The following IFT81 variants were observed in gnomAD, a reference collection of about 807,000 sequenced individuals.
IFT81 encodes intraflagellar transport protein 81 homolog.
In IFT81, 72 loss-of-function variants were observed where a neutral mutation model predicts 102.6. The ratio of observed to expected loss-of-function variants is 0.70; its 90% CI spans 0.58 to 0.85. IFT81 has a LOEUF of 0.85. Ranked by LOEUF, IFT81 falls within the 40% of genes least tolerant of loss-of-function variation. IFT81 has a pLI of 0.00. For missense variants in IFT81, 723 were observed against 787.3 expected, an observed-to-expected ratio of 0.92 and a Z score of 0.98; for synonymous variants, 237 against 242.7, an observed-to-expected ratio of 0.98 and a Z score of 0.22.
chr12:110,146,929 T>A, intron 9 of IFT81, 24 bp from the exon 10 acceptor site: 2 of 1,583,808 alleles, frequency 1.3e-6, no homozygotes, highest in Non-Finnish European at 1.7e-6. Context: ...TTAACTTTTT[T>A]TTTTTGCTTT....
intron 9 of IFT81, among the ~76,000 whole-genome samples, chr12:110,143,995 A>G (rs1312723342): frequency 6.7e-6 from 1 of 148,280 alleles, no homozygotes; most frequent in South Asian, 2.1e-4. Context: ...GAAAGCTGGT[A>G]TCAGGTTATA....
intron 11 of IFT81, among the ~76,000 whole-genome samples, chr12:110,174,349 G>A (rs1463064047): frequency 6.7e-6 from 1 of 149,552 alleles, no homozygotes; most frequent in Non-Finnish European, 1.5e-5. Flanking sequence ...CAGCTACTTA[G>A]GAGGCTGAGG....
rs887180277 is a variant in IFT81 at position 110,201,579 on chromosome 12, T to C, written c.1558-2285T>C. Among the ~76,000 whole-genome samples, 3 of 151,960 alleles carry C rather than the reference T, an allele frequency of 2.0e-5. No individual in the cohort carries two copies. In the East Asian group the frequency reaches 5.8e-4, roughly 29 times the overall value. The stretch of plus-strand genomic sequence containing the variant: ...AGGAGTAGCTGGGACCACAGGCACA[T>C]ACCACCAAGTCTGGCTAATTTTTAT... On this transcript the variant is annotated intron_variant, in intron 14 of 18. Transcript: ENST00000242591.
chr12:110,199,591 C>A (rs1174644438), intron 14 of IFT81, among the ~76,000 whole-genome samples: 1 of 152,172 alleles, frequency 6.6e-6, no homozygotes, highest in African/African-American at 2.4e-5. Context: ...TCTCAAGAGA[C>A]CAGCAGCTAC....
chr12:110,162,309 T>C (rs1896176328), intron 10 of IFT81: 2 of 151,400 alleles, frequency 1.3e-5, no homozygotes, highest in Non-Finnish European at 2.9e-5. Flanking sequence ...TGAGTGTTAT[T>C]TGAGAAGACT....
chr12:110,157,642 G>A (rs1035458807), intron 10 of IFT81, among the ~76,000 whole-genome samples: 1 of 151,850 alleles, frequency 6.6e-6, no homozygotes, highest in Non-Finnish European at 1.5e-5. Context: ...TTCCTTCTGG[G>A]ACTCCCACAG....
intron 17 of IFT81, among the ~76,000 whole-genome samples, chr12:110,206,559 C>T (rs544937219): frequency 3.4e-4 from 51 of 151,994 alleles, no homozygotes; most frequent in Admixed American, 1.6e-3. Flanking sequence ...CCCGTAGTCC[C>T]AGCTACTTAG....
intron 8 of IFT81, among the ~76,000 whole-genome samples, chr12:110,142,004 A>G (rs1201039244): frequency 1.3e-5 from 2 of 152,234 alleles, no homozygotes; most frequent in Non-Finnish European, 2.9e-5. Flanking sequence ...TTCACTGAAA[A>G]TCTGTGTGTA....
At chr12:110,208,153 A>G (rs917869909) in intron 17 of IFT81, among the ~76,000 whole-genome samples, 5 of 152,192 alleles carry the variant, frequency 3.3e-5, no homozygotes, top group African/African-American at 1.2e-4. Flanking sequence ...ATGCATGGGA[A>G]ATGTTATATG....
At chr12:110,128,251 T>C in intron 3 of IFT81, 102 bp downstream of exon 3, 1 of 706,028 alleles carries the variant, frequency 1.4e-6, no homozygotes, top group Non-Finnish European at 2.5e-6. Context: ...GTTTCCCTCA[T>C]TTGATGGCCT....
chr12:110,158,356 C>T (rs1055891965), intron 10 of IFT81, among the ~76,000 whole-genome samples: 5 of 152,144 alleles, frequency 3.3e-5, no homozygotes, highest in South Asian at 2.1e-4. Flanking sequence ...GGTAGGATTA[C>T]AGGCATGAGC....
chr12:110,217,040 C>T (rs1870229345), intron 18 of IFT81, among the ~76,000 whole-genome samples: 1 of 151,972 alleles, frequency 6.6e-6, no homozygotes, highest in Non-Finnish European at 1.5e-5. Flanking sequence ...TCATGTATAT[C>T]CTCCTAGCTG....
intron 17 of IFT81, among the ~76,000 whole-genome samples, chr12:110,208,826 C>T (rs1869028381): frequency 6.6e-6 from 1 of 152,064 alleles, no homozygotes; most frequent in Non-Finnish European, 1.5e-5. Context: ...AAATGTATAT[C>T]CTTTCTCCTT....
At chr12:110,213,953 G>A (rs1241557294) in intron 18 of IFT81, among the ~76,000 whole-genome samples, 3 of 151,984 alleles carry the variant, frequency 2.0e-5, no homozygotes, top group Non-Finnish European at 4.4e-5. Flanking sequence ...TACATTTTCT[G>A]TCTCAAACCT....
intron 17 of IFT81, among the ~76,000 whole-genome samples, chr12:110,208,167 G>T (rs1868928080): frequency 6.6e-6 from 1 of 152,236 alleles, no homozygotes; most frequent in Middle Eastern, 3.4e-3. Flanking sequence ...TTATATGTAT[G>T]TGTGTATACA....
At chr12:110,162,331 C>CTTTTTTTTTTTTTTT (rs1160267123) in intron 10 of IFT81, 1 of 100,078 alleles carries the variant, frequency 1.0e-5, no homozygotes, top group African/African-American at 4.3e-5. Flanking sequence ...TAATATTTTT[C>CTTTTTTTTTTTTTTT]TTTTTTTTTT....
At position 110,163,036 on chromosome 12, in the gene IFT81, G is replaced by C. The variant is rs1896226423; in HGVS notation, c.1159G>C (p.Asp387His). 2 of 1,613,904 alleles carry C rather than the reference G, an allele frequency of 1.2e-6. No individual in the cohort carries two copies. Among genetic ancestry groups the C allele is most frequent in the Non-Finnish European group, 1.7e-6 (2 of 1,179,964 alleles). Residue 387 changes from aspartate to histidine, a missense_variant, in exon 11 of 19, where the codon GAT (aspartate) becomes CAT (histidine). Asp to His is a moderately conservative substitution (Grantham distance 81, BLOSUM62 -1). Transcript: ENST00000242591. ...AAAGAGAAATCAGACCCGTGAATTT[G>C]ATGGTACTGAAGTTTTAAAGGGAGA... is the stretch of plus-strand genomic sequence containing the variant. ...SVKRNQTREF[D>H]GTEVLKGDEF... is the part of the protein sequence containing the mutation.
At chr12:110,191,179 T>C (rs1010297008) in intron 13 of IFT81, 131 bp downstream of exon 13, 11 of 917,810 alleles carry the variant, frequency 1.2e-5, no homozygotes, top group South Asian at 7.6e-5. Context: ...TTTTTTTTTT[T>C]TTTCTTTTTG....
At chr12:110,139,169 C>G (rs551537873) in intron 8 of IFT81, among the ~76,000 whole-genome samples, 2 of 151,586 alleles carry the variant, frequency 1.3e-5, no homozygotes, top group Non-Finnish European at 1.5e-5. Context: ...AACCCTGTCT[C>G]TACAAAAAAA....
Sources: allele counts gnomAD v4.1 joint callset (sites outside exome capture counted in the v4.1 genomes callset), GRCh38; gene constraint gnomAD v4.1.1; transcripts MANE v1.5; gene names NCBI Gene and HGNC (gene_info 2026-07-23, HGNC 2026-07-21).